RAB27A: variants seen among roughly 807,000 people sequenced by gnomAD.
RAB27A encodes the protein RAB27A, member RAS oncogene family.
In RAB27A, 17 loss-of-function variants were observed where a neutral mutation model predicts 20.8. That is an observed-to-expected ratio of 0.82 (90% CI 0.56 to 1.23). The LOEUF is 1.23. Ranked by LOEUF, RAB27A falls within the 50% of genes most tolerant of loss-of-function variation. The probability of loss-of-function intolerance (pLI) is 0.00; values close to 1 mark genes in which losing one functional copy is unlikely to be tolerated. For missense variants in RAB27A, 277 were observed against 266.7 expected, an observed-to-expected ratio of 1.04 and a Z score of -0.27; for synonymous variants, 85 against 92.8, an observed-to-expected ratio of 0.92 and a Z score of 0.48.
At chr15:55,222,474 C>A (rs1895616530) in intron 6 of RAB27A, among the ~76,000 whole-genome samples, 1 of 152,160 alleles carries the variant, frequency 6.6e-6, no homozygotes, top group Non-Finnish European at 1.5e-5. Flanking sequence ...AGCCTATAGA[C>A]TGATCTGGAA....
intron 2 of RAB27A, among the ~76,000 whole-genome samples, chr15:55,241,566 T>C (rs1896479126): frequency 6.9e-6 from 1 of 143,994 alleles, no homozygotes; most frequent in Non-Finnish European, 1.5e-5. Flanking sequence ...ACGTCAGGAG[T>C]TCAAGACTAG....
At position 55,209,847 on chromosome 15, in the gene RAB27A, T is replaced by TAC. The variant is rs1424817399; in HGVS notation, c.468-4143_468-4142insGT. Among the ~76,000 whole-genome samples the TAC allele has an allele frequency of 4.2e-3, 370 of 87,690 alleles. 88 individuals are homozygous for TAC. Among genetic ancestry groups the TAC allele is most frequent in the African/African-American group, 0.02 (349 of 17,470 alleles). 57.5% of individuals were successfully genotyped at this position (87,690 alleles called of 152,430 possible). ...ATATATACATATATGTGTGTACACA[T>TAC]ATATGTGTGTATATACATATATACA... On this transcript the variant is annotated intron_variant, in intron 6 of 6. Coordinates refer to ENST00000336787, the MANE Select transcript of RAB27A (RefSeq NM_183235.3).
At chr15:55,207,770 C>T (rs1412960381) in intron 6 of RAB27A, among the ~76,000 whole-genome samples, 3 of 152,102 alleles carry the variant, frequency 2.0e-5, no homozygotes, top group African/African-American at 7.2e-5. Context: ...GCAACCTCTG[C>T]CTCCCAAGTT....
At chr15:55,279,059 A>C (rs2141116662) in intron 1 of RAB27A, among the ~76,000 whole-genome samples, 1 of 152,334 alleles carries the variant, frequency 6.6e-6, no homozygotes, top group South Asian at 2.1e-4. Flanking sequence ...AACAGTTCCA[A>C]ACTTTGGGAT....
chr15:55,207,931 C>G (rs1373389484), intron 6 of RAB27A, among the ~76,000 whole-genome samples: 1 of 152,192 alleles, frequency 6.6e-6, no homozygotes, highest in Non-Finnish European at 1.5e-5. Context: ...GCTGGGATAA[C>G]AGGCATGAGC....
intron 2 of RAB27A, among the ~76,000 whole-genome samples, chr15:55,294,959 CAG>C (rs2054942519): frequency 6.6e-6 from 1 of 152,060 alleles, no homozygotes. Context: ...ATTATAGTAT[CAG>C]AATATATAAA....
chr15:55,303,204 A>C, intron 2 of RAB27A, among the ~76,000 whole-genome samples: 1 of 78,542 alleles, frequency 1.3e-5, no homozygotes. Flanking sequence ...GGCCGCCCCT[A>C]CTGGGAAGTG....
chr15:55,277,998 G>A (rs112651039), intron 1 of RAB27A, among the ~76,000 whole-genome samples: 11 of 152,192 alleles, frequency 7.2e-5, no homozygotes, highest in African/African-American at 1.9e-4. Context: ...ATGAGAAAAT[G>A]TTTGTATAAC....
intron 2 of RAB27A, among the ~76,000 whole-genome samples, chr15:55,245,987 G>A (rs1436747934): frequency 6.6e-6 from 1 of 151,978 alleles, no homozygotes; most frequent in African/African-American, 2.4e-5. Flanking sequence ...AGGAGGGTGA[G>A]GCAGGAGAAT....
intron 5 of RAB27A, among the ~76,000 whole-genome samples, chr15:55,226,064 A>G (rs993203632): frequency 1.3e-5 from 2 of 152,184 alleles, no homozygotes; most frequent in Non-Finnish European, 2.9e-5. Flanking sequence ...AAAATATGTA[A>G]AATATATACT....
At chr15:55,298,862 G>A (rs2054960239) in intron 2 of RAB27A, among the ~76,000 whole-genome samples, 1 of 152,226 alleles carries the variant, frequency 6.6e-6, no homozygotes, top group Non-Finnish European at 1.5e-5. Flanking sequence ...GCTTTTGAAA[G>A]AAGAGAAATA....
chr15:55,277,794 T>C (rs1897914469), intron 1 of RAB27A, among the ~76,000 whole-genome samples: 1 of 152,234 alleles, frequency 6.6e-6, no homozygotes, highest in African/African-American at 2.4e-5. Flanking sequence ...CTATCAACTA[T>C]GGGTCAGTAG....
intron 2 of RAB27A, among the ~76,000 whole-genome samples, chr15:55,305,973 T>C (rs1176012931): frequency 6.6e-6 from 1 of 152,204 alleles, no homozygotes; most frequent in Non-Finnish European, 1.5e-5. Context: ...CATGATTGTA[T>C]GAATCTTGTT....
chr15:55,242,189 A>G (rs962043172), intron 2 of RAB27A, among the ~76,000 whole-genome samples: 4 of 152,202 alleles, frequency 2.6e-5, no homozygotes, highest in African/African-American at 9.7e-5. Flanking sequence ...GTACAGAGCA[A>G]AAGAAAGGGG....
At chr15:55,270,143 A>G (rs1595737132) in intron 2 of RAB27A, 22 bp downstream of exon 2, 1 of 152,310 alleles carries the variant, frequency 6.6e-6, no homozygotes, top group Non-Finnish European at 1.5e-5. Context: ...CAAAAAAAAA[A>G]AAGATAAATA....
chr15:55,262,867 G>A (rs1262274850), intron 2 of RAB27A, among the ~76,000 whole-genome samples: 2 of 152,026 alleles, frequency 1.3e-5, no homozygotes, highest in East Asian at 3.9e-4. Context: ...GTCTCGTCAT[G>A]TCTTGATTCT....
chr15:55,205,505 T>G lies in RAB27A; in HGVS notation c.*2A>C, dbSNP rs1438385754. On this transcript the variant is annotated 3_prime_UTR_variant, in exon 7 of 7. Coordinates refer to ENST00000336787, the MANE Select transcript of RAB27A (RefSeq NM_183235.3). ...GAACTACTATGTCGCTTACTTGACT[T>G]CTCAACAGCCACATGCCCCTTTCTC... The G allele has an allele frequency of 6.2e-7, 1 of 1,613,960 alleles. No homozygotes were observed. The highest frequency in any genetic ancestry group is 1.7e-5 in the Admixed American group (1 of 60,006).
At chr15:55,309,036 T>C (rs1595757163) in intron 2 of RAB27A, among the ~76,000 whole-genome samples, 1 of 152,184 alleles carries the variant, frequency 6.6e-6, no homozygotes, top group Non-Finnish European at 1.5e-5. Context: ...TCTTGCCCCA[T>C]CGGCAAGCTT....
At chr15:55,276,993 C>T (rs1897892249) in intron 1 of RAB27A, among the ~76,000 whole-genome samples, 1 of 151,916 alleles carries the variant, frequency 6.6e-6, no homozygotes, top group African/African-American at 2.4e-5. Context: ...ATAATACCTC[C>T]CATAAAGTAG....
Sources: gnomAD v4.1 joint callset for allele counts (sites outside exome capture counted in the v4.1 genomes callset) on GRCh38, gnomAD v4.1.1 for gene constraint, MANE v1.5 for transcripts, NCBI Gene and HGNC (gene_info 2026-07-23, HGNC 2026-07-21) for gene names.